Variants in NDST4 observed in about 807,000 individuals in gnomAD.
The protein encoded by NDST4 is N-heparan sulfate sulfotransferase 4.
NDST4 carries 63 observed loss-of-function variants against 100.8 expected under a neutral mutation model. The ratio of observed to expected loss-of-function variants is 0.62; its 90% confidence interval spans 0.51 to 0.77. The LOEUF (loss-of-function observed/expected upper bound fraction) is 0.77, where lower values mean the gene tolerates loss of function less well. Ranked by LOEUF, NDST4 falls within the 30% of genes least tolerant of loss-of-function variation. The probability of loss-of-function intolerance (pLI) is 0.00; values close to 1 mark genes in which losing one functional copy is unlikely to be tolerated. For missense variants in NDST4, 943 were observed against 1,018.4 expected, an observed-to-expected ratio of 0.93 and a Z score of 1.01; for synonymous variants, 377 against 361.8, an observed-to-expected ratio of 1.04 and a Z score of -0.48.
chr4:114,852,876 C>A, intron 7 of NDST4, 55 bp from the exon 8 acceptor site: 2 of 1,254,394 alleles, frequency 1.6e-6, no homozygotes, highest in Non-Finnish European at 2.2e-6. Context: ...TGGCTCTGTT[C>A]TCTAAAAATT....
At chr4:115,005,339 T>G (rs1727389263) in intron 2 of NDST4, among the ~76,000 whole-genome samples, 1 of 152,040 alleles carries the variant, frequency 6.6e-6, no homozygotes, top group Admixed American at 6.6e-5. Flanking sequence ...GATAGGGTGG[T>G]TTGCAGTTTA....
chr4:115,012,141 C>T (rs1727561126), intron 2 of NDST4, among the ~76,000 whole-genome samples: 1 of 151,796 alleles, frequency 6.6e-6, no homozygotes, highest in East Asian at 1.9e-4. Flanking sequence ...AACCAATAAA[C>T]AGGCAACAAT....
At chr4:114,917,394 C>T (rs1725196437) in intron 6 of NDST4, among the ~76,000 whole-genome samples, 1 of 152,078 alleles carries the variant, frequency 6.6e-6, no homozygotes, top group Non-Finnish European at 1.5e-5. Flanking sequence ...GTTATTGCTG[C>T]TAAAATTCCT....
intron 2 of NDST4, among the ~76,000 whole-genome samples, chr4:115,060,116 T>C (rs1728786677): frequency 6.6e-6 from 1 of 152,058 alleles, no homozygotes; most frequent in Non-Finnish European, 1.5e-5. Context: ...TATTTGGGCA[T>C]ACAAATCATT....
chr4:114,828,097 A>G (rs1415889273), intron 13 of NDST4, among the ~76,000 whole-genome samples, 162 bp from the exon 14 acceptor site: 1 of 152,152 alleles, frequency 6.6e-6, no homozygotes, highest in Non-Finnish European at 1.5e-5. Flanking sequence ...TTACCTTTTG[A>G]AAATATTTGG....
chr4:114,923,800 GTTTA>G (rs1578391349), intron 6 of NDST4, among the ~76,000 whole-genome samples: 1 of 151,806 alleles, frequency 6.6e-6, no homozygotes, highest in Non-Finnish European at 1.5e-5. Context: ...GCTGTTGAAA[GTTTA>G]TTTATGCTAA....
intron 2 of NDST4, among the ~76,000 whole-genome samples, chr4:115,025,713 A>T (rs1727969025): frequency 1.3e-5 from 2 of 152,272 alleles, no homozygotes; most frequent in South Asian, 4.1e-4. Context: ...AATGGAATAG[A>T]AGTTAATATG....
At chr4:115,081,451 A>T (rs1455753869) in intron 1 of NDST4, among the ~76,000 whole-genome samples, 1 of 152,080 alleles carries the variant, frequency 6.6e-6, no homozygotes, top group African/African-American at 2.4e-5. Flanking sequence ...GATTAGTTTG[A>T]ATCTCTTACC....
rs1029256802 is a variant in NDST4, at chr4:115,029,583, T to C, written c.978+46476A>G. On this transcript the variant is annotated intron_variant, in intron 2 of 13. Coordinates refer to ENST00000264363, the MANE Select transcript of NDST4 (RefSeq NM_022569.3). The stretch of plus-strand genomic sequence containing the variant: ...TGGGAGAGAAAGGAAGGAGTAAGCC[T>C]AACTTTTTTTAGTTTATGATGTGGG... Among the ~76,000 whole-genome samples, 59 of 152,216 alleles carry C rather than the reference T, an allele frequency of 3.9e-4. 1 individual carries two copies. The highest frequency in any genetic ancestry group is 1.4e-3 in the African/African-American group (58 of 41,542).
At chr4:115,058,069 G>T (rs1451380709) in intron 2 of NDST4, among the ~76,000 whole-genome samples, 1 of 152,082 alleles carries the variant, frequency 6.6e-6, no homozygotes, top group Non-Finnish European at 1.5e-5. Context: ...TTCACGTTCT[G>T]TTAATGAAAT....
rs78406024 is a variant in NDST4 at position 114,991,259 on chromosome 4, T to C, written c.979-13985A>G. On this transcript the variant is annotated intron_variant, in intron 2 of 13. Coordinates refer to ENST00000264363, the MANE Select transcript of NDST4 (RefSeq NM_022569.3). ...ATGATAGCTAATGTGCCTAAGACTT[T>C]GTAAAAAATGAAAGTCAGCCAAAGT... Among the ~76,000 whole-genome samples, 535 of 152,128 alleles carry C rather than the reference T, an allele frequency of 3.5e-3. 8 individuals carry two copies. The highest frequency in any genetic ancestry group is 0.029 in the East Asian group (151 of 5,176).
At chr4:114,961,459 C>T (rs958315066) in intron 4 of NDST4, among the ~76,000 whole-genome samples, 4 of 151,636 alleles carry the variant, frequency 2.6e-5, no homozygotes, top group African/African-American at 9.7e-5. Context: ...TTAGATAGAC[C>T]AAGTGGGGGA....
intron 6 of NDST4, among the ~76,000 whole-genome samples, chr4:114,930,719 A>G (rs1346327667): frequency 6.6e-6 from 1 of 152,122 alleles, no homozygotes; most frequent in Admixed American, 6.5e-5. Context: ...ATACACTGGG[A>G]CATGATGAGG....
At chr4:115,063,302 A>G (rs1012816025) in intron 2 of NDST4, among the ~76,000 whole-genome samples, 1 of 151,998 alleles carries the variant, frequency 6.6e-6, no homozygotes, top group Non-Finnish European at 1.5e-5. Context: ...AATGCTCTAG[A>G]GCTAGGCTCA....
chr4:114,859,965 T>C (rs1446230095), intron 7 of NDST4, among the ~76,000 whole-genome samples: 3 of 152,184 alleles, frequency 2.0e-5, no homozygotes, highest in Non-Finnish European at 4.4e-5. Context: ...TCATACTCTA[T>C]AAAATTAAAA....
intron 2 of NDST4, among the ~76,000 whole-genome samples, chr4:115,042,650 TAGAG>T (rs1728376496): frequency 6.6e-6 from 1 of 152,034 alleles, no homozygotes; most frequent in South Asian, 2.1e-4. Flanking sequence ...GTAGTATATA[TAGAG>T]AGAGTTCAGT....
chr4:115,095,280 C>T (rs1286420060), intron 1 of NDST4, among the ~76,000 whole-genome samples: 1 of 152,102 alleles, frequency 6.6e-6, no homozygotes, highest in African/African-American at 2.4e-5. Context: ...GATGCTATTC[C>T]CTACCCTCTC....
intron 7 of NDST4, among the ~76,000 whole-genome samples, chr4:114,854,324 T>C (rs1050672799): frequency 3.3e-5 from 5 of 152,256 alleles, no homozygotes; most frequent in Admixed American, 6.5e-5. Flanking sequence ...TTTTCATGGC[T>C]GAATAGTACT....
chr4:114,996,353 C>A (rs1011947638), intron 2 of NDST4, among the ~76,000 whole-genome samples: 9 of 152,064 alleles, frequency 5.9e-5, no homozygotes, highest in Non-Finnish European at 1.0e-4. Flanking sequence ...CCAAATCATG[C>A]AGAACTGTGA....
Sources: gnomAD v4.1 joint callset for allele counts (sites outside exome capture counted in the v4.1 genomes callset) on GRCh38, gnomAD v4.1.1 for gene constraint, MANE v1.5 for transcripts, NCBI Gene and HGNC (gene_info 2026-07-23, HGNC 2026-07-21) for gene names.